Variants in TBC1D12 observed in about 807,000 individuals in gnomAD.
TBC1D12 encodes the protein TBC1 domain family, member 12.
TBC1D12 carries 56 observed loss-of-function variants against 86.7 expected under a neutral mutation model. That is an observed-to-expected ratio of 0.65 (90% CI 0.52 to 0.81). The LOEUF is 0.81. Among genes scored for constraint, TBC1D12 ranks in the 30% least tolerant of loss-of-function variants. The probability of loss-of-function intolerance (pLI) is 0.00; values close to 1 mark genes in which losing one functional copy is unlikely to be tolerated. For missense variants in TBC1D12, 1,023 were observed against 1,038.8 expected, an observed-to-expected ratio of 0.98 and a Z score of 0.21; for synonymous variants, 421 against 411.7, an observed-to-expected ratio of 1.02 and a Z score of -0.27.
At chr10:94,435,581 A>G (rs2055282451) in intron 1 of TBC1D12, among the ~76,000 whole-genome samples, 1 of 151,552 alleles carries the variant, frequency 6.6e-6, no homozygotes, top group Non-Finnish European at 1.5e-5. Context: ...AGTTCTTTGT[A>G]TTTTCTGTGT....
chr10:94,479,803 C>T (rs1166863587), intron 3 of TBC1D12, among the ~76,000 whole-genome samples: 1 of 152,116 alleles, frequency 6.6e-6, no homozygotes, highest in Non-Finnish European at 1.5e-5. Context: ...TTACATTCAG[C>T]TACACATAAG....
chr10:94,439,205 A>G (rs1338650564), intron 1 of TBC1D12, among the ~76,000 whole-genome samples: 1 of 152,122 alleles, frequency 6.6e-6, no homozygotes, highest in Non-Finnish European at 1.5e-5. Context: ...TGAAGTTCAA[A>G]TGTTTTAAAT....
At chr10:94,446,076 A>G (rs922963223) in intron 2 of TBC1D12, among the ~76,000 whole-genome samples, 1 of 152,040 alleles carries the variant, frequency 6.6e-6, no homozygotes, top group African/African-American at 2.4e-5. Flanking sequence ...CTTCCCTGCA[A>G]TTCTCATTTT....
intron 2 of TBC1D12, among the ~76,000 whole-genome samples, chr10:94,454,787 A>AT (rs939324606): frequency 7.9e-5 from 12 of 152,050 alleles, no homozygotes; most frequent in Admixed American, 1.3e-4. Flanking sequence ...TTTTCTGTTG[A>AT]TTTTTTTGGA....
In TBC1D12 at chr10:94,426,308, TTTTATC is replaced by T. The variant is rs933532083; in HGVS notation, c.972-15582_972-15577del. Among the ~76,000 whole-genome samples the T allele has an allele frequency of 3.1e-3, 467 of 152,324 alleles. 3 individuals are homozygous for T. The highest frequency in any genetic ancestry group is 4.7e-3 in the Non-Finnish European group (318 of 68,032). ...TAGCTGTAGGGTTTTTAAAATTATT[TTTTATC>T]TTTATGTTTTGGTAGATGCCTTTAA... On this transcript the variant is annotated intron_variant, in intron 1 of 12. Coordinates refer to ENST00000225235, the MANE Select transcript of TBC1D12 (RefSeq NM_015188.2).
chr10:94,519,647 T>C (rs1387442469), intron 9 of TBC1D12, among the ~76,000 whole-genome samples: 1 of 152,186 alleles, frequency 6.6e-6, no homozygotes, highest in East Asian at 1.9e-4. Flanking sequence ...ATTGGCAGGG[T>C]TGTGCTTCCT....
chr10:94,452,683 C>G (rs1376122766), intron 2 of TBC1D12, among the ~76,000 whole-genome samples: 2 of 152,146 alleles, frequency 1.3e-5, no homozygotes, highest in Non-Finnish European at 2.9e-5. Flanking sequence ...TACCCATTCA[C>G]CTACTGAAGG....
At chr10:94,492,678 CA>C (rs2056261918) in intron 3 of TBC1D12, among the ~76,000 whole-genome samples, 1 of 152,036 alleles carries the variant, frequency 6.6e-6, no homozygotes. Context: ...AAGCCAGACA[CA>C]AGAGTCTATA....
At chr10:94,432,122 AAGAG>A (rs59509237) in intron 1 of TBC1D12, among the ~76,000 whole-genome samples, 5 of 151,910 alleles carry the variant, frequency 3.3e-5, no homozygotes, top group African/African-American at 1.2e-4. Flanking sequence ...GGAGAAAGGG[AAGAG>A]AGAGAGAGTG....
intron 10 of TBC1D12, 36 bp from the exon 11 acceptor site, chr10:94,522,308 A>G (rs1327268482): frequency 5.0e-6 from 6 of 1,210,542 alleles, no homozygotes; most frequent in East Asian, 2.6e-5. Context: ...TCTAGACTAT[A>G]TACTTTCATA....
rs74876839 is a variant in TBC1D12, at chr10:94,492,536, A to G, written c.1212-829A>G. On this transcript the variant is annotated intron_variant, in intron 3 of 12. Transcript: ENST00000225235. The stretch of plus-strand genomic sequence containing the variant: ...CTGGAAACAATCCAAGTGTCCACCC[A>G]CATGGATAAATGGAATACTACTCAG... Among the ~76,000 whole-genome samples the G allele has an allele frequency of 9.3e-4, 141 of 152,358 alleles. No individual in the cohort carries two copies. In the East Asian group the frequency reaches 0.023, roughly 25 times the overall value.
intron 1 of TBC1D12, among the ~76,000 whole-genome samples, chr10:94,435,868 C>G (rs1313246378): frequency 6.6e-6 from 1 of 152,132 alleles, no homozygotes; most frequent in Admixed American, 6.5e-5. Flanking sequence ...TGGTAGGAAT[C>G]CAATTTATTT....
At chr10:94,473,417 G>A (rs2055939843) in intron 2 of TBC1D12, among the ~76,000 whole-genome samples, 1 of 151,864 alleles carries the variant, frequency 6.6e-6, no homozygotes, top group African/African-American at 2.4e-5. Flanking sequence ...TAAGAGGTAT[G>A]GAACTATCAG....
chr10:94,474,620 A>G lies in TBC1D12; in HGVS notation c.1096-48A>G, dbSNP rs1426419556. ...TAATGATACAGATTTAATAGTACAA[A>G]CTATGTTGGAGCAGTTTCTGCATAA... On this transcript the variant is annotated intron_variant, in intron 2 of 12. Transcript: ENST00000225235. The G allele has an allele frequency of 3.7e-6, 5 of 1,355,662 alleles. No individual in the cohort carries two copies. The South Asian group carries it at 4.7e-5, about 13-fold the overall frequency. 84.0% of individuals were successfully genotyped at this position (1,355,662 alleles called of 1,614,324 possible).
chr10:94,488,320 G>A (rs541919532), intron 3 of TBC1D12, among the ~76,000 whole-genome samples: 153 of 151,298 alleles, frequency 1.0e-3, no homozygotes, highest in African/African-American at 3.3e-3. Context: ...CATGGGAGGC[G>A]GAGGCTGCAG....
intron 11 of TBC1D12, among the ~76,000 whole-genome samples, chr10:94,527,622 A>G (rs185904475): frequency 2.1e-4 from 32 of 152,046 alleles, no homozygotes; most frequent in Admixed American, 1.8e-3. Flanking sequence ...AGACCTTACT[A>G]ATAACATTTT....
chr10:94,493,504 G>C, intron 4 of TBC1D12, 57 bp downstream of exon 4: 1 of 1,203,838 alleles, frequency 8.3e-7, no homozygotes, highest in Non-Finnish European at 1.2e-6. Context: ...AAGATGGATG[G>C]TAAAATTCAT....
At chr10:94,514,709 G>A (rs1338139409) in intron 9 of TBC1D12, among the ~76,000 whole-genome samples, 1 of 152,208 alleles carries the variant, frequency 6.6e-6, no homozygotes, top group East Asian at 1.9e-4. Flanking sequence ...GCTATTTTGA[G>A]TAGTGCTGTA....
At chr10:94,517,390 C>T (rs758732665) in intron 9 of TBC1D12, among the ~76,000 whole-genome samples, 1 of 152,124 alleles carries the variant, frequency 6.6e-6, no homozygotes, top group Non-Finnish European at 1.5e-5. Flanking sequence ...AACAAACAAA[C>T]AAAAATCCTC....
Sources: gnomAD v4.1 joint callset for allele counts (sites outside exome capture counted in the v4.1 genomes callset) on GRCh38, gnomAD v4.1.1 for gene constraint, MANE v1.5 for transcripts, NCBI Gene and HGNC (gene_info 2026-07-23, HGNC 2026-07-21) for gene names.